ARFIP1: variants seen among roughly 807,000 people sequenced by gnomAD.
ARFIP1 encodes ARF interacting protein 1.
In ARFIP1, 24 loss-of-function variants were observed where a neutral mutation model predicts 42.5. The observed-to-expected ratio is 0.57, with a 90% CI of 0.41 to 0.80. ARFIP1 has a LOEUF of 0.80. ARFIP1 is among the 30% of genes least tolerant of loss of function. The pLI is 0.00. For synonymous variants in ARFIP1, 141 were observed against 153.7 expected (o/e 0.92, Z 0.61); for missense variants, 354 against 434.0 (o/e 0.82, Z 1.64).
intron 8 of ARFIP1, among the ~76,000 whole-genome samples, chr4:152,892,504 A>T (rs967594361): frequency 6.6e-6 from 1 of 152,192 alleles, no homozygotes; most frequent in Non-Finnish European, 1.5e-5. Context: ...CTATAGTAAT[A>T]AGCTTTAGCA....
At chr4:152,856,400 A>G (rs1395042189) in intron 2 of ARFIP1, among the ~76,000 whole-genome samples, 1 of 152,210 alleles carries the variant, frequency 6.6e-6, no homozygotes, top group Non-Finnish European at 1.5e-5. Context: ...AACCAACTGC[A>G]CTGAAAATGT....
At chr4:152,795,374 A>G (rs535693487) in intron 1 of ARFIP1, among the ~76,000 whole-genome samples, 1 of 152,274 alleles carries the variant, frequency 6.6e-6, no homozygotes, top group African/African-American at 2.4e-5. Context: ...CCACAGTTGC[A>G]TAACTTGGAT....
intron 1 of ARFIP1, among the ~76,000 whole-genome samples, chr4:152,828,704 G>T (rs376376885): frequency 6.6e-6 from 1 of 152,116 alleles, no homozygotes; most frequent in Non-Finnish European, 1.5e-5. Context: ...GTTTTCTGTG[G>T]AGCAGAAATC....
chr4:152,803,310 A>G (rs1561106991), intron 1 of ARFIP1, among the ~76,000 whole-genome samples: 1 of 152,200 alleles, frequency 6.6e-6, no homozygotes, highest in Non-Finnish European at 1.5e-5. Flanking sequence ...TTGAGTGAAA[A>G]GACCCATAGG....
chr4:152,874,605 A>G (rs560076451), intron 5 of ARFIP1, among the ~76,000 whole-genome samples: 2 of 152,316 alleles, frequency 1.3e-5, no homozygotes, highest in East Asian at 1.9e-4. Flanking sequence ...CATTTGGATA[A>G]TGCTTCAAAT....
intron 3 of ARFIP1, among the ~76,000 whole-genome samples, chr4:152,864,144 A>C (rs1734123706): frequency 6.6e-6 from 1 of 152,156 alleles, no homozygotes; most frequent in Non-Finnish European, 1.5e-5. Context: ...TTTGTATTTT[A>C]ATTACTCTTA....
chr4:152,829,009 T>C (rs1314955684), intron 1 of ARFIP1, among the ~76,000 whole-genome samples: 1 of 152,216 alleles, frequency 6.6e-6, no homozygotes, highest in African/African-American at 2.4e-5. Flanking sequence ...GCCTTTCCAC[T>C]TTGTCAGAGA....
In ARFIP1 at chr4:152,804,302, A is replaced by ATATAT. The variant is rs1728770296; in HGVS notation, c.-10+24077_-10+24081dup. On this transcript the variant is annotated intron_variant, in intron 1 of 8. Coordinates refer to ENST00000353617, the MANE Select transcript of ARFIP1 (RefSeq NM_001025595.3). ...TAACATAACATGTATTATATATATT[A>ATATAT]TATATATATAACATAACATGTATTA... 3.0e-4 allele frequency among the ~76,000 whole-genome samples: 7 copies of ATATAT among 23,564 alleles called. 2 individuals are homozygous for ATATAT. The highest frequency in any genetic ancestry group is 1.7e-3 in the African/African-American group (7 of 4,128). The allele number at this position is 23,564 out of a possible 152,430, so 15.5% of individuals were successfully genotyped here.
At chr4:152,785,302 C>A (rs1025122934) in intron 1 of ARFIP1, among the ~76,000 whole-genome samples, 4 of 152,126 alleles carry the variant, frequency 2.6e-5, no homozygotes, top group African/African-American at 9.7e-5. Flanking sequence ...TCCAGCCATA[C>A]CAAATAGGTA....
intron 8 of ARFIP1, among the ~76,000 whole-genome samples, chr4:152,905,080 C>T (rs1484805825): frequency 3.3e-5 from 5 of 152,108 alleles, no homozygotes; most frequent in African/African-American, 9.7e-5. Context: ...CTTTTTAATA[C>T]GCCATTCTGA....
intron 1 of ARFIP1, chr4:152,810,065 T>C (rs1021384023): frequency 1.1e-4 from 16 of 152,000 alleles, no homozygotes; most frequent in Non-Finnish European, 2.1e-4. Flanking sequence ...AATCTCACCT[T>C]CTGTTGGTAT....
At chr4:152,818,999 C>A (rs1314115181) in intron 1 of ARFIP1, among the ~76,000 whole-genome samples, 1 of 152,166 alleles carries the variant, frequency 6.6e-6, no homozygotes, top group Non-Finnish European at 1.5e-5. Flanking sequence ...AAAGGACTTG[C>A]CTGACCCAGC....
intron 3 of ARFIP1, among the ~76,000 whole-genome samples, chr4:152,869,526 T>G (rs1254759755): frequency 1.3e-5 from 2 of 151,934 alleles, no homozygotes. Flanking sequence ...CTTGGCTGAC[T>G]GCGGCCTCCT....
chr4:152,799,839 G>A (rs1354651643), intron 1 of ARFIP1, among the ~76,000 whole-genome samples: 1 of 152,172 alleles, frequency 6.6e-6, no homozygotes, highest in East Asian at 1.9e-4. Flanking sequence ...TATTCTGTTT[G>A]TGGTTTACTG....
chr4:152,846,401 CAT>C lies in ARFIP1; in HGVS notation c.93+16678_93+16679del, dbSNP rs576023117. Among the ~76,000 whole-genome samples the C allele has an allele frequency of 1.6e-3, 240 of 152,154 alleles. 1 individual carries two copies. The highest frequency in any genetic ancestry group is 0.015 in the South Asian group (70 of 4,802). On this transcript the variant is annotated intron_variant, in intron 2 of 8. Coordinates refer to ENST00000353617, the MANE Select transcript of ARFIP1 (RefSeq NM_001025595.3). ...CACACGCACACACACACACAAAGAG[CAT>C]ATGAGTCATTTACATATTTAATAGT...
At chr4:152,852,793 A>C (rs1200796113) in intron 2 of ARFIP1, among the ~76,000 whole-genome samples, 1 of 152,250 alleles carries the variant, frequency 6.6e-6, no homozygotes, top group Non-Finnish European at 1.5e-5. Flanking sequence ...CGTCTCACAT[A>C]GCCCCTATTA....
At chr4:152,870,686 A>G (rs920943527) in intron 3 of ARFIP1, 67 bp from the exon 4 acceptor site, 36 of 1,035,724 alleles carry the variant, frequency 3.5e-5, no homozygotes, top group South Asian at 9.7e-5. Context: ...CAGTAACCCT[A>G]TATTCAAAAT....
chr4:152,784,150 T>C (rs1004143926), intron 1 of ARFIP1, among the ~76,000 whole-genome samples: 1 of 152,130 alleles, frequency 6.6e-6, no homozygotes, highest in Non-Finnish European at 1.5e-5. Flanking sequence ...GGAAAGTGAG[T>C]TGTTCCACTT....
chr4:152,805,787 G>A (rs1326145160), intron 1 of ARFIP1, among the ~76,000 whole-genome samples: 2 of 152,262 alleles, frequency 1.3e-5, no homozygotes, highest in Admixed American at 6.5e-5. Context: ...TCATCTTACA[G>A]ATGAAGGAAG....
Sources: allele counts gnomAD v4.1 joint callset (sites outside exome capture counted in the v4.1 genomes callset), GRCh38; gene constraint gnomAD v4.1.1; transcripts MANE v1.5; gene names NCBI Gene and HGNC (gene_info 2026-07-23, HGNC 2026-07-21).